ADGRL2: variants seen among roughly 807,000 people sequenced by gnomAD.
ADGRL2 encodes the protein calcium-independent alpha-latrotoxin receptor 2.
In ADGRL2, 44 loss-of-function variants were observed where a neutral mutation model predicts 157.4. The observed-to-expected ratio is 0.28, with a 90% CI of 0.22 to 0.36. The LOEUF (loss-of-function observed/expected upper bound fraction) is 0.36, where lower values mean the gene tolerates loss of function less well. Ranked by LOEUF, ADGRL2 falls within the 10% of genes least tolerant of loss-of-function variation. The pLI is 1.00. For synonymous variants in ADGRL2, 585 were observed against 624.7 expected (o/e 0.94, Z 0.95); for missense variants, 1,510 against 1,768.9 (o/e 0.85, Z 2.63).
chr1:81,825,646 G>T, intron 1 of ADGRL2, among the ~76,000 whole-genome samples: 1 of 109,054 alleles, frequency 9.2e-6, no homozygotes. Context: ...CACCTGGCCA[G>T]ACCCTGTCTC....
intron 1 of ADGRL2, among the ~76,000 whole-genome samples, chr1:81,704,199 C>CT (rs2083661019): frequency 3.3e-5 from 5 of 152,220 alleles, no homozygotes; most frequent in Admixed American, 2.0e-4. Flanking sequence ...TCCTAAAAAC[C>CT]AGTTAAATCT....
At chr1:81,686,919 A>C (rs187867185) in intron 3 of ADGRL2, among the ~76,000 whole-genome samples, 1 of 152,160 alleles carries the variant, frequency 6.6e-6, no homozygotes. Context: ...AGGTTATTTA[A>C]TTTCCATGCA....
In ADGRL2 at chr1:81,478,841, GT is replaced by G. The variant is rs538284372; in HGVS notation, c.-248+33762del. Among the ~76,000 whole-genome samples the G allele has an allele frequency of 3.1e-3, 458 of 148,412 alleles. 1 individual carries two copies. Among genetic ancestry groups the G allele is most frequent in the Middle Eastern group, 7.0e-3 (2 of 286 alleles). On this transcript the variant is annotated intron_variant, in intron 2 of 24. Transcript: ENST00000370721. ...CTGGCATCTGCATGCATTTATTTGA[GT>G]TTTTTTTTTCTTGTTTCAATGGAAC... is the stretch of plus-strand genomic sequence containing the variant.
At chr1:81,369,165 G>A (rs980948881) in intron 1 of ADGRL2, among the ~76,000 whole-genome samples, 4 of 151,962 alleles carry the variant, frequency 2.6e-5, no homozygotes, top group African/African-American at 4.8e-5. Context: ...ATACATTGAG[G>A]CAGAGACAGA....
intron 2 of ADGRL2, among the ~76,000 whole-genome samples, chr1:81,779,486 G>A (rs773629364): frequency 7.9e-5 from 12 of 152,134 alleles, no homozygotes; most frequent in Non-Finnish European, 1.5e-4. Flanking sequence ...CTAAGGAAAA[G>A]CATTTTCGGT....
intron 3 of ADGRL2, among the ~76,000 whole-genome samples, chr1:81,627,430 G>C (rs1255374773): frequency 6.6e-6 from 1 of 152,064 alleles, no homozygotes; most frequent in African/African-American, 2.4e-5. Flanking sequence ...GAGGTAGGTT[G>C]AGCCATATTT....
At chr1:81,568,176 A>G (rs192462614) in intron 2 of ADGRL2, among the ~76,000 whole-genome samples, 1 of 152,258 alleles carries the variant, frequency 6.6e-6, no homozygotes, top group Admixed American at 6.5e-5. Context: ...CTGTTAAAAA[A>G]GGAAAACTGA....
chr1:81,778,927 T>A (rs1002622236), intron 2 of ADGRL2, among the ~76,000 whole-genome samples: 1 of 152,212 alleles, frequency 6.6e-6, no homozygotes, highest in Non-Finnish European at 1.5e-5. Context: ...TAGTAACATA[T>A]GTTTTATAGG....
intron 1 of ADGRL2, among the ~76,000 whole-genome samples, chr1:81,753,622 A>C (rs2085564022): frequency 6.6e-6 from 1 of 152,226 alleles, no homozygotes; most frequent in African/African-American, 2.4e-5. Flanking sequence ...TTAAAGCAAA[A>C]TACAAAAGTA....
At chr1:81,800,776 G>T (rs1477762834), upstream of ADGRL2, among the ~76,000 whole-genome samples, 5 of 151,586 alleles carry the variant, frequency 3.3e-5, no homozygotes, top group Non-Finnish European at 7.4e-5. Context: ...GTGGAGTTTG[G>T]GGGTGGGCTA....
At position 81,597,981 on chromosome 1, in the gene ADGRL2, G is replaced by A. The variant is rs562980341; in HGVS notation, c.-143+17001G>A. Among the ~76,000 whole-genome samples the A allele has an allele frequency of 2.0e-5, 3 of 152,292 alleles. No individual in the cohort carries two copies. In the South Asian group the frequency reaches 6.2e-4, roughly 32 times the overall value. On this transcript the variant is annotated intron_variant, in intron 3 of 24. Coordinates refer to the ADGRL2 transcript ENST00000370721. The stretch of plus-strand genomic sequence containing the variant: ...GCTGCCCAGTGTTAGCTCAATTAAG[G>A]GGTAAAGAAGCTGGAATATTTATCT...
upstream of ADGRL2, among the ~76,000 whole-genome samples, chr1:81,695,706 A>G (rs1462193152): frequency 2.0e-5 from 3 of 152,112 alleles, no homozygotes; most frequent in African/African-American, 7.2e-5. Context: ...CAGTAATCCC[A>G]GCTACTCGGG....
chr1:81,968,739 A>C (rs528941192), intron 14 of ADGRL2, among the ~76,000 whole-genome samples: 1 of 152,172 alleles, frequency 6.6e-6, no homozygotes, highest in South Asian at 2.1e-4. Flanking sequence ...GTATGTGTCA[A>C]CTCTCAATAT....
intron 2 of ADGRL2, among the ~76,000 whole-genome samples, chr1:81,898,883 T>C (rs1442972354): frequency 6.6e-6 from 1 of 152,176 alleles, no homozygotes. Flanking sequence ...TGCTAACATA[T>C]ATAAACAGGA....
intron 1 of ADGRL2, among the ~76,000 whole-genome samples, chr1:81,402,343 CT>C (rs2076771816): frequency 6.6e-6 from 1 of 152,144 alleles, no homozygotes; most frequent in Non-Finnish European, 1.5e-5. Context: ...AGAAACTTCT[CT>C]CCAGAGTTCA....
intron 3 of ADGRL2, among the ~76,000 whole-genome samples, chr1:81,658,877 G>C (rs1177130107): frequency 1.3e-5 from 2 of 150,068 alleles, no homozygotes; most frequent in Admixed American, 1.3e-4. Context: ...TCAGCCTCCT[G>C]AGTAGCTGGG....
intron 1 of ADGRL2, among the ~76,000 whole-genome samples, chr1:81,731,643 T>C (rs1447377930): frequency 6.6e-6 from 1 of 152,180 alleles, no homozygotes; most frequent in Non-Finnish European, 1.5e-5. Flanking sequence ...GCTCTCTACG[T>C]CTTGATAATG....
At chr1:81,638,481 T>C (rs1017941424) in intron 3 of ADGRL2, among the ~76,000 whole-genome samples, 1 of 152,210 alleles carries the variant, frequency 6.6e-6, no homozygotes, top group Non-Finnish European at 1.5e-5. Flanking sequence ...TATATGGCTA[T>C]TTATACTTGT....
At chr1:81,655,282 G>A (rs1317296686) in intron 3 of ADGRL2, among the ~76,000 whole-genome samples, 5 of 152,176 alleles carry the variant, frequency 3.3e-5, no homozygotes, top group Non-Finnish European at 5.9e-5. Context: ...TTACAGGCGT[G>A]AGCCACCGTG....
Sources: gnomAD v4.1 joint callset for allele counts (sites outside exome capture counted in the v4.1 genomes callset) on GRCh38, gnomAD v4.1.1 for gene constraint, MANE v1.5 for transcripts, NCBI Gene and HGNC (gene_info 2026-07-23, HGNC 2026-07-21) for gene names.